Variants in PTPRM observed in about 807,000 individuals in gnomAD.
PTPRM encodes the protein protein tyrosine phosphatase receptor type M, also known as receptor-type tyrosine-protein phosphatase mu.
Under a neutral mutation model 186.7 loss-of-function variants are expected in PTPRM, and 47 were observed. That is an observed-to-expected ratio of 0.25 (90% CI 0.20 to 0.32). PTPRM has a LOEUF of 0.32. Among genes scored for constraint, PTPRM ranks in the 10% least tolerant of loss-of-function variants. The pLI, the probability that PTPRM is intolerant of heterozygous loss-of-function variation, is 1.00. For synonymous variants in PTPRM, 668 were observed against 674.9 expected (o/e 0.99, Z 0.16); for missense variants, 1,494 against 1,865.0 (o/e 0.80, Z 3.66).
chr18:8,095,749 A>T (rs1216443202), intron 11 of PTPRM, among the ~76,000 whole-genome samples: 1 of 152,084 alleles, frequency 6.6e-6, no homozygotes, highest in Non-Finnish European at 1.5e-5. Context: ...TAGAAATAGG[A>T]TTTAGAGAAA....
chr18:8,376,941 C>A (rs1290609130), intron 26 of PTPRM: 5 of 206,866 alleles, frequency 2.4e-5, no homozygotes, highest in Non-Finnish European at 4.9e-5. Flanking sequence ...CAGAGCAAGA[C>A]CGCTCCTGAG....
At chr18:8,055,147 C>T (rs1363919946) in intron 7 of PTPRM, among the ~76,000 whole-genome samples, 2 of 152,046 alleles carry the variant, frequency 1.3e-5, no homozygotes, top group African/African-American at 4.8e-5. Context: ...GTTATACTTT[C>T]TGTATCTTTT....
intron 14 of PTPRM, among the ~76,000 whole-genome samples, chr18:8,168,626 A>G (rs2093356067): frequency 6.6e-6 from 1 of 152,226 alleles, no homozygotes; most frequent in Non-Finnish European, 1.5e-5. Context: ...TATAAGTGGA[A>G]TCAACACTAA....
At chr18:7,957,502 G>A (rs995774202) in intron 7 of PTPRM, among the ~76,000 whole-genome samples, 23 of 152,200 alleles carry the variant, frequency 1.5e-4, no homozygotes, top group African/African-American at 5.5e-4. Context: ...ACTGTTTGCA[G>A]CCTGCAGTTG....
intron 1 of PTPRM, among the ~76,000 whole-genome samples, chr18:7,695,558 CATTTT>C (rs1281777243): frequency 6.6e-6 from 1 of 152,224 alleles, no homozygotes; most frequent in Non-Finnish European, 1.5e-5. Context: ...TTCTGTGCAT[CATTTT>C]ATAATTTTAG....
chr18:8,328,772 G>A (rs669168), intron 22 of PTPRM, among the ~76,000 whole-genome samples: 130,225 of 152,178 alleles, frequency 0.86, 56,482 homozygotes, highest in Middle Eastern at 0.93. Context: ...TTTTACAAGA[G>A]AGAATGAACA....
chr18:7,717,360 G>A (rs2040357378), intron 1 of PTPRM, among the ~76,000 whole-genome samples: 2 of 151,880 alleles, frequency 1.3e-5, no homozygotes, highest in Non-Finnish European at 2.9e-5. Flanking sequence ...GTGTAACTTC[G>A]AAGAAGAATC....
chr18:8,175,476 T>A (rs549981280), intron 14 of PTPRM, among the ~76,000 whole-genome samples: 1 of 152,342 alleles, frequency 6.6e-6, no homozygotes, highest in African/African-American at 2.4e-5. Context: ...TTTATTTTTG[T>A]TTTATATCCA....
intron 5 of PTPRM, among the ~76,000 whole-genome samples, chr18:7,948,860 G>A (rs2052736604): frequency 6.6e-6 from 1 of 152,196 alleles, no homozygotes; most frequent in South Asian, 2.1e-4. Flanking sequence ...AAGACCAAAT[G>A]TGGATAGTTT....
intron 13 of PTPRM, among the ~76,000 whole-genome samples, chr18:8,127,791 G>A (rs144312484): frequency 4.6e-5 from 7 of 152,200 alleles, no homozygotes; most frequent in South Asian, 2.1e-4. Context: ...CCATCGATGC[G>A]CTTTCACCCC....
At chr18:7,921,168 T>C (rs2050838157) in intron 4 of PTPRM, among the ~76,000 whole-genome samples, 1 of 152,160 alleles carries the variant, frequency 6.6e-6, no homozygotes, top group Non-Finnish European at 1.5e-5. Context: ...ATAGGTAAGC[T>C]TTTTGCCCCT....
At chr18:8,339,556 GT>G (rs2095461921) in intron 22 of PTPRM, among the ~76,000 whole-genome samples, 2 of 152,152 alleles carry the variant, frequency 1.3e-5, no homozygotes, top group Non-Finnish European at 2.9e-5. Context: ...TTGGGAGTTT[GT>G]TTGTTTGTCC....
chr18:8,017,853 G>A (rs1403219324), intron 7 of PTPRM: 1 of 152,160 alleles, frequency 6.6e-6, no homozygotes, highest in Non-Finnish European at 1.5e-5. Flanking sequence ...GAAAACCTGG[G>A]ACGTAAATAG....
At chr18:7,943,370 T>C (rs1303025801) in intron 5 of PTPRM, among the ~76,000 whole-genome samples, 2 of 152,196 alleles carry the variant, frequency 1.3e-5, no homozygotes, top group African/African-American at 2.4e-5. Flanking sequence ...TTTGGGCTGC[T>C]ATTCTAGCTC....
At chr18:7,894,445 G>A (rs2049243439) in intron 3 of PTPRM, among the ~76,000 whole-genome samples, 1 of 151,882 alleles carries the variant, frequency 6.6e-6, no homozygotes, top group Admixed American at 6.6e-5. Context: ...AAATTAGCGG[G>A]CGTGGTGGCG....
chr18:7,667,303 CA>C (rs1184405731), intron 1 of PTPRM, among the ~76,000 whole-genome samples: 2 of 152,282 alleles, frequency 1.3e-5, no homozygotes, highest in East Asian at 3.9e-4. Context: ...TGAGACTTAT[CA>C]AAACAGGTCA....
chr18:7,641,891 G>T (rs143567670), intron 1 of PTPRM, among the ~76,000 whole-genome samples: 2 of 152,288 alleles, frequency 1.3e-5, no homozygotes, highest in African/African-American at 2.4e-5. Flanking sequence ...AGGAAACTGA[G>T]GCCTGGAGAG....
intron 1 of PTPRM, among the ~76,000 whole-genome samples, chr18:7,657,653 C>T (rs1055014080): frequency 3.3e-5 from 5 of 152,320 alleles, no homozygotes; most frequent in African/African-American, 7.2e-5. Flanking sequence ...AAGGGGCATA[C>T]GATTTTAATT....
chr18:8,205,866 A>G (rs1019452804), intron 14 of PTPRM, among the ~76,000 whole-genome samples: 1 of 152,136 alleles, frequency 6.6e-6, no homozygotes, highest in African/African-American at 2.4e-5. Flanking sequence ...AAAAATTGCT[A>G]ACGTTTTTAA....
Sources: gnomAD v4.1 joint callset for allele counts (sites outside exome capture counted in the v4.1 genomes callset) on GRCh38, gnomAD v4.1.1 for gene constraint, MANE v1.5 for transcripts, NCBI Gene and HGNC (gene_info 2026-07-23, HGNC 2026-07-21) for gene names.